The following AIG1 variants were observed in gnomAD, a reference collection of about 807,000 sequenced individuals.
AIG1 encodes the protein androgen-induced gene 1 protein.
Under a neutral mutation model 31.4 loss-of-function variants are expected in AIG1, and 23 were observed. That is an observed-to-expected ratio of 0.73 (90% confidence interval 0.53 to 1.04). The LOEUF is 1.04. Among genes scored for constraint, AIG1 ranks in the 50% least tolerant of loss-of-function variants. The probability of loss-of-function intolerance (pLI) is 0.00; values close to 1 mark genes in which losing one functional copy is unlikely to be tolerated. For synonymous variants in AIG1, 100 were observed against 110.5 expected (o/e 0.90, Z 0.60); for missense variants, 274 against 295.0 (o/e 0.93, Z 0.52).
At chr6:143,084,390 A>G (rs1002508112) in intron 1 of AIG1, among the ~76,000 whole-genome samples, 1 of 152,174 alleles carries the variant, frequency 6.6e-6, no homozygotes, top group African/African-American at 2.4e-5. Context: ...AGCAAGCCCT[A>G]TTAGGCATTT....
chr6:143,115,988 G>A (rs1166167305), intron 1 of AIG1, among the ~76,000 whole-genome samples: 1 of 152,156 alleles, frequency 6.6e-6, no homozygotes, highest in Admixed American at 6.5e-5. Context: ...CCCCTGCTTT[G>A]TGTCAGACAC....
chr6:143,061,382 C>A (rs1776245937), intron 1 of AIG1: 1 of 466,560 alleles, frequency 2.1e-6, no homozygotes, highest in Non-Finnish European at 4.1e-6. Context: ...TAAGAGGTGA[C>A]ACGGGAAGAA....
chr6:143,213,056 AC>A (rs1414833427), intron 3 of AIG1, among the ~76,000 whole-genome samples: 10 of 151,986 alleles, frequency 6.6e-5, no homozygotes, highest in African/African-American at 2.2e-4. Flanking sequence ...ATCAAAATGG[AC>A]CCCTAAATAG....
intron 2 of AIG1, among the ~76,000 whole-genome samples, chr6:143,155,141 G>C (rs372399983): frequency 4.1e-4 from 62 of 152,144 alleles, no homozygotes; most frequent in African/African-American, 1.4e-3. Flanking sequence ...TTACAGGCGG[G>C]AGCCACTCAA....
chr6:143,312,405 A>G (rs527479052), intron 4 of AIG1, among the ~76,000 whole-genome samples: 3 of 152,096 alleles, frequency 2.0e-5, no homozygotes, highest in African/African-American at 7.2e-5. Context: ...AACAAATCCA[A>G]AGAACTGCAA....
At chr6:143,176,600 G>C (rs1179015572) in intron 3 of AIG1, among the ~76,000 whole-genome samples, 2 of 152,164 alleles carry the variant, frequency 1.3e-5, no homozygotes, top group Non-Finnish European at 2.9e-5. Flanking sequence ...TGTCTCTGCT[G>C]TGTGACACAG....
intron 1 of AIG1, among the ~76,000 whole-genome samples, chr6:143,099,115 C>T (rs1453952016): frequency 6.6e-6 from 1 of 152,186 alleles, no homozygotes; most frequent in Non-Finnish European, 1.5e-5. Flanking sequence ...TCAGTTTTCA[C>T]TTACCATTTA....
intron 1 of AIG1, among the ~76,000 whole-genome samples, chr6:143,094,671 T>G (rs1271258627): frequency 6.6e-6 from 1 of 152,072 alleles, no homozygotes; most frequent in African/African-American, 2.4e-5. Context: ...GACCCCTAGA[T>G]AAGTCTCCGT....
chr6:143,211,261 G>C (rs1212213873), intron 3 of AIG1, among the ~76,000 whole-genome samples: 2 of 152,080 alleles, frequency 1.3e-5, no homozygotes, highest in East Asian at 3.9e-4. Flanking sequence ...GACACTGGTG[G>C]GCTCTGAGAT....
intron 3 of AIG1, among the ~76,000 whole-genome samples, chr6:143,262,070 G>A (rs910948233): frequency 2.0e-5 from 3 of 152,214 alleles, no homozygotes; most frequent in African/African-American, 7.2e-5. Flanking sequence ...GACGCTTTCA[G>A]CAATTGCTGC....
chr6:143,182,599 T>C (rs1207711162), intron 3 of AIG1, among the ~76,000 whole-genome samples: 1 of 152,124 alleles, frequency 6.6e-6, no homozygotes, highest in Non-Finnish European at 1.5e-5. Flanking sequence ...TGAAATCCCC[T>C]AACCCTGCTC....
intron 1 of AIG1, among the ~76,000 whole-genome samples, chr6:143,125,639 G>T (rs1023100682): frequency 6.6e-6 from 1 of 152,176 alleles, no homozygotes; most frequent in Non-Finnish European, 1.5e-5. Flanking sequence ...CTCTGGGGAG[G>T]TCCCTGCTGT....
rs186299093 is a variant in AIG1, at chr6:143,218,431, A to T, written c.399+53248A>T. ...ATCGCTTTCCATGGTCAAAAATAGA[A>T]TAAAATATCATATGTTTCCCATCGT... On this transcript the variant is annotated intron_variant, in intron 3 of 5. Transcript: ENST00000357847. Among the ~76,000 whole-genome samples, 166 of 152,338 alleles carry T rather than the reference A, an allele frequency of 1.1e-3. 1 individual carries two copies. The highest frequency in any genetic ancestry group is 3.8e-3 in the African/African-American group (156 of 41,576).
In AIG1 at chr6:143,145,436, C is replaced by A. The variant is rs79699473; in HGVS notation, c.297+8446C>A. Among the ~76,000 whole-genome samples the A allele has an allele frequency of 3.0e-3, 451 of 152,268 alleles. 14 individuals carry two copies. The East Asian group carries it at 0.054, about 18-fold the overall frequency. On this transcript the variant is annotated intron_variant, in intron 2 of 5. Coordinates refer to ENST00000357847, the MANE Select transcript of AIG1 (RefSeq NM_016108.4). The stretch of plus-strand genomic sequence containing the variant: ...ATCCTAAAGAGGGTTATTAAAGCAC[C>A]AAGCATCACATCCTTCACAACCATG...
rs185485514 is a variant in AIG1, at chr6:143,299,388, G to A, written c.515+15163G>A. The A allele has an allele frequency of 6.6e-6, 1 of 152,294 alleles. No homozygotes were observed. The highest frequency in any genetic ancestry group is 2.4e-5 in the African/African-American group (1 of 41,548). The allele number at this position is 152,294 out of a possible 1,614,324, so 9.4% of individuals were successfully genotyped here. On this transcript the variant is annotated intron_variant, in intron 4 of 5. Coordinates refer to ENST00000357847, the MANE Select transcript of AIG1 (RefSeq NM_016108.4). The surrounding 1 kb of genome is among the most constrained non-coding windows in gnomAD (Gnocchi z 4.1). ...AACTGTCATAGAAGGGCATTGTGTG[G>A]GTGCCACAATCATCTAAGTCTACCA...
At chr6:143,082,486 T>C (rs992710468) in intron 1 of AIG1, among the ~76,000 whole-genome samples, 2 of 152,236 alleles carry the variant, frequency 1.3e-5, no homozygotes, top group Non-Finnish European at 2.9e-5. Flanking sequence ...GCACTGGTCC[T>C]TCAAGTAATA....
In AIG1 at chr6:143,327,478, G is replaced by A; in HGVS notation, c.516-5804G>A. On this transcript the variant is annotated intron_variant, in intron 4 of 5. Coordinates refer to ENST00000357847, the MANE Select transcript of AIG1 (RefSeq NM_016108.4). This position sits in a 1 kb window ranked among gnomAD's most constrained non-coding sequence, Gnocchi z 5.3. ...CTCCAGATTTGCGCATTGATACCAG[G>A]CCCAACAAAACTGTCTGGGCCAAAG... 1 of 395,626 alleles carries A rather than the reference G, an allele frequency of 2.5e-6. No individual in the cohort carries two copies. Among genetic ancestry groups the A allele is most frequent in the Non-Finnish European group, 4.9e-6 (1 of 205,536 alleles). The allele number at this position is 395,626 out of a possible 1,614,324, so 24.5% of individuals were successfully genotyped here. A position where few individuals can be genotyped will look rare whatever the true frequency, so the allele number is the denominator to read the frequency against.
intron 2 of AIG1, among the ~76,000 whole-genome samples, chr6:143,143,557 AC>A (rs1784474774): frequency 8.0e-6 from 1 of 125,252 alleles, no homozygotes; most frequent in African/African-American, 3.9e-5. Flanking sequence ...ATATATATAC[AC>A]ACACACTTAA....
chr6:143,261,194 C>T (rs932486974), intron 3 of AIG1, among the ~76,000 whole-genome samples: 7 of 152,224 alleles, frequency 4.6e-5, no homozygotes, highest in Admixed American at 2.6e-4. Flanking sequence ...TGCAGCGGCG[C>T]GATCTCAGCT....
Sources: gnomAD v4.1 joint callset for allele counts (sites outside exome capture counted in the v4.1 genomes callset) on GRCh38, gnomAD v4.1.1 for gene constraint, Gnocchi (gnomAD v3.1) non-coding constraint, MANE v1.5 for transcripts, NCBI Gene and HGNC (gene_info 2026-07-23, HGNC 2026-07-21) for gene names.